ATF1: variants seen among roughly 807,000 people sequenced by gnomAD.
The protein encoded by ATF1 is cyclic AMP-dependent transcription factor ATF-1.
Under a neutral mutation model 34.7 loss-of-function variants are expected in ATF1, and 16 were observed. The observed-to-expected ratio is 0.46, with a 90% CI of 0.31 to 0.70. The LOEUF (loss-of-function observed/expected upper bound fraction) is 0.70. ATF1 is among the 30% of genes least tolerant of loss of function. The probability of loss-of-function intolerance (pLI) is 0.05; values close to 1 mark genes in which losing one functional copy is unlikely to be tolerated. For missense variants in ATF1, 255 were observed against 321.6 expected (o/e 0.79, Z 1.58); for synonymous variants, 105 against 113.1 (o/e 0.93, Z 0.46).
In ATF1 at chr12:50,764,137, G is replaced by A. The variant is rs1220966468; in HGVS notation, c.-177G>A. 2.0e-5 allele frequency: 3 copies of A among 151,412 alleles called. No homozygotes were observed. Among genetic ancestry groups the A allele is most frequent in the Non-Finnish European group, 4.4e-5 (3 of 67,894 alleles). The allele number at this position is 151,412 out of a possible 1,614,324, so 9.4% of individuals were successfully genotyped here. ...TGACTGCCGAGGAAACGGTAGCTTA[G>A]GACAGTTGGCTGTTAAGTGACACTG... On this transcript the variant is annotated 5_prime_UTR_variant, in exon 1 of 7. Coordinates refer to ENST00000262053, the MANE Select transcript of ATF1 (RefSeq NM_005171.5).
intron 1 of ATF1, among the ~76,000 whole-genome samples, chr12:50,774,905 G>A (rs1425776309): frequency 1.3e-5 from 2 of 151,350 alleles, no homozygotes; most frequent in South Asian, 2.1e-4. Context: ...CCGCCACCAC[G>A]CCCAGCTAAT....
At chr12:50,810,357 A>G (rs1016436220) in intron 4 of ATF1, among the ~76,000 whole-genome samples, 20 of 150,764 alleles carry the variant, frequency 1.3e-4, no homozygotes, top group Non-Finnish European at 1.8e-4. Context: ...AGCTGGGATT[A>G]CAGGCGTGTA....
chr12:50,764,528 C>T (rs907504697), intron 1 of ATF1: 4 of 152,298 alleles, frequency 2.6e-5, no homozygotes, highest in African/African-American at 9.6e-5. Context: ...TCGTGCGTCT[C>T]CTCCTTTCCC....
At chr12:50,774,752 GTT>G (rs63149060) in intron 1 of ATF1, among the ~76,000 whole-genome samples, 2 of 141,158 alleles carry the variant, frequency 1.4e-5, no homozygotes. Context: ...TTTTGTTTTT[GTT>G]TTTTTTTTTT....
chr12:50,805,561 CAAAAAA>C (rs370613978), intron 3 of ATF1, among the ~76,000 whole-genome samples: 3 of 53,846 alleles, frequency 5.6e-5, no homozygotes, highest in East Asian at 1.3e-3. Flanking sequence ...CTGTCTGTCT[CAAAAAA>C]AAAAAAAAAA....
chr12:50,789,631 T>G (rs1189043549), intron 2 of ATF1, among the ~76,000 whole-genome samples: 1 of 151,990 alleles, frequency 6.6e-6, no homozygotes, highest in Non-Finnish European at 1.5e-5. Flanking sequence ...AGTGGGCGCC[T>G]GTCATCCCAG....
At chr12:50,781,906 C>T (rs1041945685) in intron 2 of ATF1, among the ~76,000 whole-genome samples, 3 of 90,510 alleles carry the variant, frequency 3.3e-5, no homozygotes, top group Admixed American at 1.2e-4. Context: ...CAGAGTGAGA[C>T]CCTATCTCCA....
At chr12:50,778,698 G>T (rs1380824983) in intron 1 of ATF1, among the ~76,000 whole-genome samples, 1 of 151,478 alleles carries the variant, frequency 6.6e-6, no homozygotes, top group African/African-American at 2.4e-5. Flanking sequence ...AGCAATTCTC[G>T]TGCCTTAGCC....
Position 50,820,318 on chromosome 12 carries a change from A to G in ATF1, c.*539A>G. ...TCAAGTCTTTTTAAGTGGGTTTTTAAAAGTTTGTTATTGGACTTGAATGGA... is the reference window on the plus strand; with the variant it reads ...TCAAGTCTTTTTAAGTGGGTTTTTAGAAGTTTGTTATTGGACTTGAATGGA... On this transcript the variant is annotated 3_prime_UTR_variant, in exon 7 of 7. Coordinates refer to ENST00000262053, the MANE Select transcript of ATF1 (RefSeq NM_005171.5). 1 of 190,108 alleles carries G rather than the reference A, an allele frequency of 5.3e-6. No individual in the cohort carries two copies. Among genetic ancestry groups the G allele is most frequent in the Non-Finnish European group, 1.1e-5 (1 of 90,384 alleles). 11.8% of individuals were successfully genotyped at this position (190,108 alleles called of 1,614,324 possible).
Position 50,814,302 on chromosome 12 carries a change from A to AT in ATF1, c.535dup (p.Tyr179LeufsTer30). The stretch of plus-strand genomic sequence containing the variant: ...TAGCTGCATCAGGAGATATGCAAAC[A>AT]TATCAGATCCGAACTACACCTTCAG... On this transcript the variant is annotated frameshift_variant, in exon 6 of 7. Coordinates refer to ENST00000262053, the MANE Select transcript of ATF1 (RefSeq NM_005171.5). LOFTEE classifies it high-confidence loss of function. The AT allele has an allele frequency of 1.2e-6, 2 of 1,614,236 alleles. No individual in the cohort carries two copies. Among genetic ancestry groups the AT allele is most frequent in the Non-Finnish European group, 1.7e-6 (2 of 1,180,040 alleles).
At chr12:50,802,144 A>G (rs138353223) in intron 3 of ATF1, among the ~76,000 whole-genome samples, 9 of 152,366 alleles carry the variant, frequency 5.9e-5, no homozygotes, top group Admixed American at 3.3e-4. Context: ...AAACAATTCT[A>G]TTTACAATAA....
intron 2 of ATF1, among the ~76,000 whole-genome samples, chr12:50,783,199 A>G (rs1327410016): frequency 6.6e-6 from 1 of 152,198 alleles, no homozygotes; most frequent in Non-Finnish European, 1.5e-5. Flanking sequence ...TAACTGAAAT[A>G]ATAATTTTGG....
At chr12:50,811,257 A>G (rs916457915) in intron 4 of ATF1, among the ~76,000 whole-genome samples, 2 of 152,172 alleles carry the variant, frequency 1.3e-5, no homozygotes, top group African/African-American at 4.8e-5. Flanking sequence ...TTTTCTTTAT[A>G]GCATTTACAT....
intron 2 of ATF1, among the ~76,000 whole-genome samples, chr12:50,780,577 G>A (rs11169556): frequency 6.7e-6 from 1 of 149,962 alleles, no homozygotes; most frequent in Admixed American, 6.6e-5. Context: ...ACTCCTGACC[G>A]CAGGTAACCC....
At chr12:50,805,672 T>C (rs956604579) in intron 3 of ATF1, among the ~76,000 whole-genome samples, 1 of 151,890 alleles carries the variant, frequency 6.6e-6, no homozygotes, top group Non-Finnish European at 1.5e-5. Context: ...TTTTCAAGCA[T>C]GAATAATTAG....
Position 50,809,488 on chromosome 12 carries a change from C to G in ATF1, c.227C>G (p.Thr76Arg). 6.2e-7 allele frequency: 1 copy of G among 1,611,720 alleles called. No individual in the cohort carries two copies. The change falls in exon 4 of 7, where the codon ACA becomes AGA. Residue 76 changes from threonine (T) to arginine (R), a missense_variant. By Grantham distance (71) the Thr-to-Arg change is moderately conservative. This residue lies in a region of ATF1 where 221 missense variants were observed against 250.7 expected (regional missense o/e 0.88). Transcript: ENST00000262053. ...KILKDLSSEDTRGRKGDGENS... is the reference protein window; with the variant it reads ...KILKDLSSEDRRGRKGDGENS... ...TTGAAAGACTTATCTTCTGAAGATA[C>G]ACGGGGCAGAAAAGGAGACGGAGAA... is the stretch of plus-strand genomic sequence containing the variant.
intron 1 of ATF1, among the ~76,000 whole-genome samples, chr12:50,772,812 G>A (rs4768920): frequency 0.87 from 131,586 of 151,882 alleles, 58,274 homozygotes; most frequent in Non-Finnish European, 0.98. Context: ...CAGGTTTACT[G>A]CATAGGTAAA....
At chr12:50,785,865 G>C (rs566013469) in intron 2 of ATF1, among the ~76,000 whole-genome samples, 1 of 152,268 alleles carries the variant, frequency 6.6e-6, no homozygotes, top group East Asian at 1.9e-4. Flanking sequence ...GTGAGAGCAA[G>C]TCTGCTAGCA....
At chr12:50,805,310 CTG>C (rs1292191553) in intron 3 of ATF1, among the ~76,000 whole-genome samples, 1 of 151,840 alleles carries the variant, frequency 6.6e-6, no homozygotes, top group Non-Finnish European at 1.5e-5. Context: ...AATCCCAGCA[CTG>C]TGGGAGGCCG....
Sources: allele counts gnomAD v4.1 joint callset (sites outside exome capture counted in the v4.1 genomes callset), GRCh38; gene constraint gnomAD v4.1.1; regional missense constraint gnomAD v4.1.1; transcripts MANE v1.5; gene names NCBI Gene and HGNC (gene_info 2026-07-23, HGNC 2026-07-21).